The following MYO3A variants were observed in gnomAD, a reference collection of about 807,000 sequenced individuals.
MYO3A encodes the protein myosin IIIA, also known as myosin-IIIa.
Under a neutral mutation model 192.7 loss-of-function variants are expected in MYO3A, and 180 were observed. That is an observed-to-expected ratio of 0.93 (90% CI 0.83 to 1.06). MYO3A has a LOEUF of 1.06. MYO3A is among the 50% of genes least tolerant of loss of function. MYO3A has a pLI of 0.00. For missense variants in MYO3A, 1,896 were observed against 1,905.0 expected (o/e 1.00, Z 0.09); for synonymous variants, 628 against 645.3 (o/e 0.97, Z 0.41).
chr10:26,134,673 A>G (rs1839746522), intron 20 of MYO3A, among the ~76,000 whole-genome samples: 1 of 152,172 alleles, frequency 6.6e-6, no homozygotes. Flanking sequence ...AAAAGTGGCA[A>G]AAGTTTTTTT....
chr10:26,086,172 C>A (rs1368432260), intron 14 of MYO3A, among the ~76,000 whole-genome samples: 2 of 152,034 alleles, frequency 1.3e-5, no homozygotes, highest in African/African-American at 4.8e-5. Context: ...AAAAAACTTA[C>A]AATCGTGGGC....
intron 31 of MYO3A, among the ~76,000 whole-genome samples, chr10:26,177,257 A>T (rs1354273474): frequency 6.6e-6 from 1 of 152,176 alleles, no homozygotes. Flanking sequence ...CCCATTATAC[A>T]AGAAGTATTG....
At position 26,069,535 on chromosome 10, in the gene MYO3A, G is replaced by C. The variant is rs910556715; in HGVS notation, c.1171-576G>C. 3.9e-5 allele frequency among the ~76,000 whole-genome samples: 6 copies of C among 152,020 alleles called. 1 individual carries two copies. Among genetic ancestry groups the C allele is most frequent in the Admixed American group, 2.6e-4 (4 of 15,266 alleles). ...CTGTTCCTAATAGTTGTTTTTGTGT[G>C]TGAAAAGTACATATCTCTGTCATCT... On this transcript the variant is annotated intron_variant, in intron 12 of 34. Transcript: ENST00000642920.
chr10:26,049,627 A>C (rs1588859743), intron 10 of MYO3A, among the ~76,000 whole-genome samples: 1 of 150,538 alleles, frequency 6.6e-6, no homozygotes, highest in Non-Finnish European at 1.5e-5. Context: ...ACCAGAAAGG[A>C]GGCAGAGTGA....
intron 4 of MYO3A, among the ~76,000 whole-genome samples, chr10:25,979,758 C>T (rs1839199736): frequency 6.6e-6 from 1 of 152,184 alleles, no homozygotes; most frequent in African/African-American, 2.4e-5. Flanking sequence ...AACCTTGGCA[C>T]TGTTGACATT....
At chr10:26,103,376 G>A (rs373181497) in intron 17 of MYO3A, among the ~76,000 whole-genome samples, 66 of 152,224 alleles carry the variant, frequency 4.3e-4, no homozygotes, top group South Asian at 8.3e-4. Context: ...CTCACACTCC[G>A]TGGGCTGCAC....
chr10:26,039,717 A>C (rs1304406343), intron 10 of MYO3A, among the ~76,000 whole-genome samples: 2 of 152,114 alleles, frequency 1.3e-5, no homozygotes, highest in African/African-American at 4.8e-5. Flanking sequence ...CTGTGGTATC[A>C]GTTGTAATGT....
chr10:26,120,319 C>T (rs1838778425), intron 17 of MYO3A, among the ~76,000 whole-genome samples: 1 of 152,188 alleles, frequency 6.6e-6, no homozygotes. Context: ...ATGGTAACAA[C>T]CACACTAAGT....
intron 25 of MYO3A, among the ~76,000 whole-genome samples, chr10:26,155,849 T>C (rs950829123): frequency 6.6e-6 from 1 of 152,188 alleles, no homozygotes; most frequent in Non-Finnish European, 1.5e-5. Flanking sequence ...CCCAACACCA[T>C]TATCATACCA....
intron 19 of MYO3A, 130 bp downstream of exon 19, chr10:26,125,738 T>C (rs1287675989): frequency 5.9e-6 from 5 of 847,076 alleles, no homozygotes; most frequent in Admixed American, 2.3e-5. Flanking sequence ...ATTAAAATGA[T>C]AATTTAGTAG....
chr10:25,940,112 A>G (rs1353502577), intron 2 of MYO3A, among the ~76,000 whole-genome samples: 1 of 152,060 alleles, frequency 6.6e-6, no homozygotes, highest in Non-Finnish European at 1.5e-5. Context: ...TGTCTTTCAA[A>G]CAGCCTGTAG....
intron 32 of MYO3A, among the ~76,000 whole-genome samples, chr10:26,197,941 A>G (rs1197744232): frequency 2.0e-5 from 3 of 152,184 alleles, no homozygotes; most frequent in African/African-American, 4.8e-5. Context: ...TAGAAGCTCT[A>G]TGGAGGCGAG....
At chr10:26,139,260 G>T (rs1840019639) in intron 20 of MYO3A, among the ~76,000 whole-genome samples, 1 of 151,978 alleles carries the variant, frequency 6.6e-6, no homozygotes, top group South Asian at 2.1e-4. Flanking sequence ...TTTTGAGATG[G>T]AGTTTCATTC....
chr10:26,204,191 T>C (rs1022448192), intron 34 of MYO3A: 1 of 152,220 alleles, frequency 6.6e-6, no homozygotes, highest in Non-Finnish European at 1.5e-5. Context: ...TGTTCTAGTC[T>C]AATCTCAGAG....
At chr10:26,063,897 T>G (rs1834652929) in intron 10 of MYO3A, among the ~76,000 whole-genome samples, 1 of 152,232 alleles carries the variant, frequency 6.6e-6, no homozygotes, top group African/African-American at 2.4e-5. Context: ...ATGGAAGGCC[T>G]TGAATGAGTT....
chr10:26,002,576 G>A (rs553851640), intron 6 of MYO3A, among the ~76,000 whole-genome samples: 1 of 150,226 alleles, frequency 6.7e-6, no homozygotes. Flanking sequence ...GCAGGTAATC[G>A]GAATAAGTCA....
chr10:25,965,513 T>G (rs1329626013), intron 4 of MYO3A, among the ~76,000 whole-genome samples: 1 of 152,034 alleles, frequency 6.6e-6, no homozygotes, highest in Non-Finnish European at 1.5e-5. Flanking sequence ...CTAAGGGACG[T>G]GATGCCAGCA....
chr10:26,028,000 C>T (rs1842632955), intron 10 of MYO3A, among the ~76,000 whole-genome samples: 1 of 152,104 alleles, frequency 6.6e-6, no homozygotes, highest in Non-Finnish European at 1.5e-5. Flanking sequence ...CTATTTGTTT[C>T]ATCCCAGAAA....
intron 14 of MYO3A, among the ~76,000 whole-genome samples, chr10:26,081,133 T>TCCCCCCCCTTCCCCCCCCCCC (rs1835906244): frequency 1.2e-5 from 1 of 84,940 alleles, no homozygotes; most frequent in Admixed American, 1.2e-4. Flanking sequence ...TATATGCCCT[T>TCCCCCCCCTTCCCCCCCCCCC]CCCCCCCCCC....
Sources: allele counts gnomAD v4.1 joint callset (sites outside exome capture counted in the v4.1 genomes callset), GRCh38; gene constraint gnomAD v4.1.1; transcripts MANE v1.5; gene names NCBI Gene and HGNC (gene_info 2026-07-23, HGNC 2026-07-21).